The following DTNA variants were observed in gnomAD, a reference collection of about 807,000 sequenced individuals.
DTNA encodes the protein dystrophin-related protein 3.
DTNA carries 43 observed loss-of-function variants against 100.7 expected under a neutral mutation model. The observed-to-expected ratio is 0.43, with a 90% CI of 0.33 to 0.55. The LOEUF (loss-of-function observed/expected upper bound fraction) is 0.55. DTNA is among the 20% of genes least tolerant of loss of function. DTNA has a pLI of 0.04. For synonymous variants in DTNA, 349 were observed against 347.9 expected, an observed-to-expected ratio of 1.00 and a Z score of -0.04; for missense variants, 798 against 953.9, an observed-to-expected ratio of 0.84 and a Z score of 2.15.
chr18:34,598,827 C>T (rs1184368997), intron 1 of DTNA, among the ~76,000 whole-genome samples: 1 of 152,032 alleles, frequency 6.6e-6, no homozygotes, highest in African/African-American at 2.4e-5. Flanking sequence ...GATCGCGCCA[C>T]TGCACTCCAG....
chr18:34,842,825 T>C (rs888003131), intron 13 of DTNA, among the ~76,000 whole-genome samples: 1 of 152,130 alleles, frequency 6.6e-6, no homozygotes. Flanking sequence ...GCTGCAGTCA[T>C]TGTTTGGTTG....
upstream of DTNA, among the ~76,000 whole-genome samples, chr18:34,708,979 G>A (rs902338679): frequency 2.6e-5 from 4 of 152,060 alleles, no homozygotes; most frequent in Admixed American, 1.3e-4. Context: ...TTTCAAATCC[G>A]CATCTGCTTG....
intron 1 of DTNA, among the ~76,000 whole-genome samples, chr18:34,642,860 A>G (rs2059446710): frequency 6.6e-6 from 1 of 152,044 alleles, no homozygotes; most frequent in Non-Finnish European, 1.5e-5. Context: ...CCTGGCCCAG[A>G]CTGGCTTTCT....
intron 1 of DTNA, among the ~76,000 whole-genome samples, chr18:34,636,805 A>T (rs758089439): frequency 6.6e-6 from 1 of 152,204 alleles, no homozygotes; most frequent in Non-Finnish European, 1.5e-5. Flanking sequence ...TCATTGAGTT[A>T]CAGAATCCAA....
chr18:34,624,880 T>C (rs2057089590), intron 1 of DTNA, among the ~76,000 whole-genome samples: 1 of 152,152 alleles, frequency 6.6e-6, no homozygotes, highest in African/African-American at 2.4e-5. Flanking sequence ...GTTTTGTTTT[T>C]TGAGACAGAG....
intron 1 of DTNA, among the ~76,000 whole-genome samples, chr18:34,633,962 A>G (rs1354609312): frequency 2.0e-5 from 3 of 152,226 alleles, no homozygotes; most frequent in African/African-American, 7.2e-5. Context: ...GTTTTGCAGC[A>G]CATAGTAGAT....
At chr18:34,596,990 T>C (rs2050755172) in intron 1 of DTNA, among the ~76,000 whole-genome samples, 1 of 152,174 alleles carries the variant, frequency 6.6e-6, no homozygotes, top group African/African-American at 2.4e-5. Context: ...CTCCTAATGC[T>C]ATCCCTCCCC....
rs543911382 is a variant in DTNA, at chr18:34,495,369, A to G, written c.-2+1855A>G. Among the ~76,000 whole-genome samples the G allele has an allele frequency of 1.4e-4, 22 of 152,348 alleles. No homozygotes were observed. In the Middle Eastern group the frequency reaches 0.017, roughly 118 times the overall value. On this transcript the variant is annotated intron_variant, in intron 1 of 19. Coordinates refer to the DTNA transcript ENST00000283365. ...CATGTCCTACAATGATTAAAGTTGC[A>G]TTTCACCATAAAGTTGAGATTTTCA...
At position 34,794,166 on chromosome 18, in the gene DTNA, A is replaced by T. The variant is rs778413314; in HGVS notation, c.278A>T (p.Asn93Ile). 6.2e-7 allele frequency: 1 copy of T among 1,614,174 alleles called. No homozygotes were observed. Among genetic ancestry groups the T allele is most frequent in the Non-Finnish European group, 8.5e-7 (1 of 1,180,016 alleles). The change falls in exon 4 of 23, where the codon AAC becomes ATC. Residue 93 changes from asparagine (N) to isoleucine (I), a missense_variant. Physicochemically the swap from Asn to Ile is moderately radical, Grantham distance 149. Around this residue, in one of 6 missense-constraint regions of DTNA, gnomAD observed 197 missense variants for 215.4 expected, o/e 0.91. Coordinates refer to ENST00000444659, the MANE Select transcript of DTNA (RefSeq NM_001386795.1). Reference protein sequence around the residue: ...AVLSTIFYQLNKRMPTTHQIH... With the variant: ...AVLSTIFYQLIKRMPTTHQIH... ...CTCTCCACTATTTTTTACCAGCTCA[A>T]CAAACGGATGCCAACCACTCACCAA...
chr18:34,847,867 C>A (rs535494912), intron 13 of DTNA, among the ~76,000 whole-genome samples: 11 of 152,286 alleles, frequency 7.2e-5, no homozygotes, highest in African/African-American at 2.6e-4. Flanking sequence ...GAATGTAATA[C>A]CAGCAGGTAG....
chr18:34,813,224 C>T lies in DTNA; in HGVS notation c.603+1111C>T, dbSNP rs758682988. ...GGTGTGGTGGCTCACTCCTATAATCCCAGGACTTTGGGAGGCCGAGGCTCA... is the reference window on the plus strand; with the variant it reads ...GGTGTGGTGGCTCACTCCTATAATCTCAGGACTTTGGGAGGCCGAGGCTCA... On this transcript the variant is annotated intron_variant, in intron 6 of 22. Transcript: ENST00000444659. Among the ~76,000 whole-genome samples the T allele has an allele frequency of 1.3e-5, 2 of 152,034 alleles. 1 individual carries two copies. Among genetic ancestry groups the T allele is most frequent in the Non-Finnish European group, 2.9e-5 (2 of 68,012 alleles).
At chr18:34,881,727 G>T (rs71363474) in intron 20 of DTNA, among the ~76,000 whole-genome samples, 1 of 152,062 alleles carries the variant, frequency 6.6e-6, no homozygotes, top group Non-Finnish European at 1.5e-5. Flanking sequence ...AGAGCCCTCA[G>T]ATTGGGAAAA....
intron 1 of DTNA, among the ~76,000 whole-genome samples, chr18:34,541,739 A>G (rs1218745113): frequency 1.3e-5 from 2 of 152,106 alleles, no homozygotes. Context: ...ACACAGAGGA[A>G]CAGTCTAGGA....
At chr18:34,565,495 C>A (rs190637830) in intron 1 of DTNA, among the ~76,000 whole-genome samples, 2 of 152,156 alleles carry the variant, frequency 1.3e-5, no homozygotes, top group African/African-American at 4.8e-5. Flanking sequence ...TATTTTGCCA[C>A]GGTCAGGAGG....
intron 6 of DTNA, 190 bp from the exon 7 acceptor site, chr18:34,815,719 A>T: frequency 5.2e-6 from 3 of 571,952 alleles, no homozygotes. Context: ...ATGTCTGCTT[A>T]GGTATAAAAA....
At chr18:34,735,183 A>C (rs2089287760) in intron 1 of DTNA, among the ~76,000 whole-genome samples, 1 of 152,214 alleles carries the variant, frequency 6.6e-6, no homozygotes, top group Non-Finnish European at 1.5e-5. Context: ...CATCCAGCAC[A>C]GGAGAAAGAT....
At chr18:34,827,718 A>C in intron 10 of DTNA, 42 bp downstream of exon 10, 2 of 1,580,676 alleles carry the variant, frequency 1.3e-6, no homozygotes, top group Non-Finnish European at 1.7e-6. Context: ...TTTCTTTGGT[A>C]ATGAGCCTTG....
chr18:34,507,819 A>C (rs2040638825), intron 1 of DTNA, among the ~76,000 whole-genome samples: 1 of 152,170 alleles, frequency 6.6e-6, no homozygotes, highest in Non-Finnish European at 1.5e-5. Flanking sequence ...TATACAGGGG[A>C]TTGTGCTACA....
chr18:34,766,607 G>A (rs2093486853), intron 3 of DTNA, among the ~76,000 whole-genome samples: 1 of 152,024 alleles, frequency 6.6e-6, no homozygotes, highest in African/African-American at 2.4e-5. Flanking sequence ...CACCAACATG[G>A]CACATGTATA....
Sources: allele counts gnomAD v4.1 joint callset (sites outside exome capture counted in the v4.1 genomes callset), GRCh38; gene constraint gnomAD v4.1.1; regional missense constraint gnomAD v4.1.1; transcripts MANE v1.5; gene names NCBI Gene and HGNC (gene_info 2026-07-23, HGNC 2026-07-21).